The following CSMD1 variants were observed in gnomAD, a reference collection of about 807,000 sequenced individuals.
The protein encoded by CSMD1 is CUB and Sushi multiple domains 1, also known as CUB and sushi domain-containing protein 1.
CSMD1 carries 213 observed loss-of-function variants against 417.5 expected under a neutral mutation model. That is an observed-to-expected ratio of 0.51 (90% CI 0.46 to 0.57). The LOEUF (loss-of-function observed/expected upper bound fraction) is 0.57. Ranked by LOEUF, CSMD1 falls within the 20% of genes least tolerant of loss-of-function variation. CSMD1 has a pLI of 0.00. For missense variants in CSMD1, 6,923 were observed against 4,529.7 expected (o/e 1.53, Z -15.17); for synonymous variants, 2,862 against 1,736.8 (o/e 1.65, Z -16.11).
At chr8:3,256,651 A>T (rs527918257) in intron 26 of CSMD1, among the ~76,000 whole-genome samples, 23 of 152,354 alleles carry the variant, frequency 1.5e-4, no homozygotes, top group Middle Eastern at 6.8e-3. Flanking sequence ...TGTGCCTTGC[A>T]AGAACACCCA....
chr8:4,197,469 TG>T (rs1799405377), intron 3 of CSMD1, among the ~76,000 whole-genome samples: 1 of 152,168 alleles, frequency 6.6e-6, no homozygotes, highest in South Asian at 2.1e-4. Flanking sequence ...TTTCATCACT[TG>T]AAGGCCTCAG....
At chr8:4,094,934 T>C (rs886754495) in intron 3 of CSMD1, among the ~76,000 whole-genome samples, 5 of 152,114 alleles carry the variant, frequency 3.3e-5, no homozygotes, top group Non-Finnish European at 7.4e-5. Flanking sequence ...CATTGAAGGT[T>C]TTGAACTGGG....
chr8:4,105,645 T>A (rs1801530433), intron 3 of CSMD1, among the ~76,000 whole-genome samples: 2 of 152,176 alleles, frequency 1.3e-5, no homozygotes, highest in Admixed American at 1.3e-4. Flanking sequence ...GAGTAGCAGG[T>A]GGAACGTGGT....
chr8:4,237,576 C>T (rs1245770972), intron 3 of CSMD1, among the ~76,000 whole-genome samples: 1 of 151,544 alleles, frequency 6.6e-6, no homozygotes, highest in Non-Finnish European at 1.5e-5. Context: ...GCTCTGTCAA[C>T]CAAGCTGGAG....
intron 1 of CSMD1, among the ~76,000 whole-genome samples, chr8:4,723,535 A>G (rs146377536): frequency 6.6e-6 from 1 of 152,266 alleles, no homozygotes; most frequent in African/African-American, 2.4e-5. Context: ...ACCTGTGCAT[A>G]ATAGGAAGAA....
At chr8:4,070,450 C>G (rs372560463) in intron 3 of CSMD1, among the ~76,000 whole-genome samples, 6 of 151,840 alleles carry the variant, frequency 4.0e-5, no homozygotes, top group Non-Finnish European at 8.8e-5. Flanking sequence ...CTCCGCCTCC[C>G]GGGTTCACAC....
intron 39 of CSMD1, among the ~76,000 whole-genome samples, chr8:3,157,332 A>G (rs532223613): frequency 3.3e-5 from 5 of 152,208 alleles, no homozygotes; most frequent in Non-Finnish European, 5.9e-5. Flanking sequence ...CTCCCATCAC[A>G]TTACCTATGC....
At position 3,939,413 on chromosome 8, in the gene CSMD1, G is replaced by C. The variant is rs1020258201; in HGVS notation, c.818+58490C>G. On this transcript the variant is annotated intron_variant, in intron 5 of 69. Coordinates refer to ENST00000635120, the MANE Select transcript of CSMD1 (RefSeq NM_033225.6). ...GGGAACACTTTTACACTACTGGTGT[G>C]TGTATAAACTACTACAACTACTATG... Among the ~76,000 whole-genome samples, 5 of 152,110 alleles carry C rather than the reference G, an allele frequency of 3.3e-5. No homozygotes were observed. In the South Asian group the frequency reaches 1.0e-3, roughly 32 times the overall value.
intron 5 of CSMD1, among the ~76,000 whole-genome samples, chr8:3,798,788 A>G (rs1269812112): frequency 1.3e-5 from 2 of 152,090 alleles, no homozygotes; most frequent in Non-Finnish European, 1.5e-5. Flanking sequence ...GTATTTAATT[A>G]TGGGACATCT....
intron 5 of CSMD1, among the ~76,000 whole-genome samples, chr8:3,893,079 T>C (rs1251629859): frequency 6.6e-6 from 1 of 151,902 alleles, no homozygotes; most frequent in African/African-American, 2.4e-5. Context: ...GGAGAAATGC[T>C]GGAATTAGCT....
intron 5 of CSMD1, among the ~76,000 whole-genome samples, chr8:3,924,754 C>T (rs564719823): frequency 6.9e-6 from 1 of 145,132 alleles, no homozygotes; most frequent in African/African-American, 2.4e-5. Flanking sequence ...TCATTTTGTT[C>T]ATATCTTGTT....
At chr8:4,938,548 G>A (rs1807772552) in intron 1 of CSMD1, among the ~76,000 whole-genome samples, 1 of 152,192 alleles carries the variant, frequency 6.6e-6, no homozygotes, top group African/African-American at 2.4e-5. Context: ...GTATGACAGG[G>A]ATATTCCCTG....
At chr8:4,467,432 C>G (rs1488320851) in intron 2 of CSMD1, among the ~76,000 whole-genome samples, 2 of 151,134 alleles carry the variant, frequency 1.3e-5, no homozygotes, top group Non-Finnish European at 2.9e-5. Context: ...GACTACCAAG[C>G]AGACATCCTT....
intron 7 of CSMD1, among the ~76,000 whole-genome samples, chr8:3,639,946 T>C (rs181827111): frequency 6.6e-6 from 1 of 152,334 alleles, no homozygotes. Context: ...GAAGAGAAAA[T>C]ATTTATCTTG....
intron 1 of CSMD1, among the ~76,000 whole-genome samples, chr8:4,728,754 C>A (rs903940296): frequency 6.6e-6 from 1 of 151,486 alleles, no homozygotes; most frequent in Admixed American, 6.6e-5. Flanking sequence ...TTCTAAATGT[C>A]TGCTGAAAAA....
chr8:4,226,529 C>T (rs968800658), intron 3 of CSMD1, among the ~76,000 whole-genome samples: 5 of 152,048 alleles, frequency 3.3e-5, no homozygotes, highest in African/African-American at 4.8e-5. Flanking sequence ...AAACAATTAG[C>T]CTTGATCCTA....
intron 5 of CSMD1, among the ~76,000 whole-genome samples, chr8:3,798,606 T>C (rs1800292034): frequency 6.6e-6 from 1 of 152,106 alleles, no homozygotes; most frequent in Non-Finnish European, 1.5e-5. Flanking sequence ...AAATATTAAC[T>C]TTGCTTCCAT....
intron 5 of CSMD1, among the ~76,000 whole-genome samples, chr8:3,853,693 G>C (rs746898247): frequency 1.3e-4 from 19 of 151,820 alleles, no homozygotes; most frequent in Admixed American, 3.9e-4. Flanking sequence ...TGTGCAGTTG[G>C]ATAAGCCTCA....
At chr8:3,036,199 G>C (rs556745412) in intron 50 of CSMD1, among the ~76,000 whole-genome samples, 4 of 152,098 alleles carry the variant, frequency 2.6e-5, no homozygotes, top group Non-Finnish European at 5.9e-5. Flanking sequence ...ATTTATTATA[G>C]ACTCATTCAG....
Sources: allele counts gnomAD v4.1 joint callset (sites outside exome capture counted in the v4.1 genomes callset), GRCh38; gene constraint gnomAD v4.1.1; transcripts MANE v1.5; gene names NCBI Gene and HGNC (gene_info 2026-07-23, HGNC 2026-07-21).